GTF2E2: variants seen among roughly 807,000 people sequenced by gnomAD.
GTF2E2 encodes general transcription factor IIE subunit 2.
Under a neutral mutation model 40.5 loss-of-function variants are expected in GTF2E2, and 21 were observed. That is an observed-to-expected ratio of 0.52 (90% CI 0.37 to 0.75). The LOEUF (loss-of-function observed/expected upper bound fraction) is 0.75, where lower values mean the gene tolerates loss of function less well. Ranked by LOEUF, GTF2E2 falls within the 30% of genes least tolerant of loss-of-function variation. GTF2E2 has a pLI of 0.00. For missense variants in GTF2E2, 298 were observed against 338.4 expected (o/e 0.88, Z 0.94); for synonymous variants, 117 against 121.6 (o/e 0.96, Z 0.25).
intron 3 of GTF2E2, among the ~76,000 whole-genome samples, chr8:30,633,358 A>G (rs1305265539): frequency 6.6e-6 from 1 of 152,232 alleles, no homozygotes; most frequent in African/African-American, 2.4e-5. Context: ...TTGTTTTTAT[A>G]CTTTTAAATA....
At chr8:30,652,982 A>G (rs1409382699) in intron 2 of GTF2E2, among the ~76,000 whole-genome samples, 1 of 152,212 alleles carries the variant, frequency 6.6e-6, no homozygotes, top group Non-Finnish European at 1.5e-5. Context: ...GTACAATTTC[A>G]TTTATAGGAA....
At chr8:30,581,431 T>G (rs1163819080) in intron 6 of GTF2E2, among the ~76,000 whole-genome samples, 1 of 152,152 alleles carries the variant, frequency 6.6e-6, no homozygotes, top group Non-Finnish European at 1.5e-5. Flanking sequence ...TCCTTCCCCC[T>G]TTCTCTCTCA....
chr8:30,621,123 T>A (rs1030977919), intron 3 of GTF2E2, among the ~76,000 whole-genome samples: 2 of 152,050 alleles, frequency 1.3e-5, no homozygotes, highest in Admixed American at 1.3e-4. Context: ...TTTGATCTAT[T>A]TTCCTTTGTT....
chr8:30,585,772 TAAAAA>T (rs146018850), intron 6 of GTF2E2, among the ~76,000 whole-genome samples: 1,392 of 67,634 alleles, frequency 0.021, 39 homozygotes, highest in African/African-American at 0.07. Flanking sequence ...CTTTGCCCTT[TAAAAA>T]AAAAAAAAAA....
At chr8:30,637,102 G>C (rs1801628332) in intron 2 of GTF2E2, 4 of 408,080 alleles carry the variant, frequency 9.8e-6, no homozygotes, top group Non-Finnish European at 1.9e-5. Context: ...AAGCAGCAGA[G>C]TATAGATTCA....
rs56762565 is a variant in GTF2E2, at chr8:30,646,979, C to CAAAA, written c.166+6450_166+6453dup. On this transcript the variant is annotated intron_variant, in intron 2 of 7. Coordinates refer to ENST00000355904, the MANE Select transcript of GTF2E2 (RefSeq NM_002095.6). The stretch of plus-strand genomic sequence containing the variant: ...TGGGTGACAGAGCAAGACTCCGTCT[C>CAAAA]AAAAAAAAAAAAAAAAAAAAAAAAA... Among the ~76,000 whole-genome samples, 80 of 51,194 alleles carry CAAAA rather than the reference C, an allele frequency of 1.6e-3. 18 individuals carry two copies. Among genetic ancestry groups the CAAAA allele is most frequent in the Non-Finnish European group, 2.1e-3 (65 of 30,850 alleles). 33.6% of individuals were successfully genotyped at this position (51,194 alleles called of 152,430 possible). A position where few individuals can be genotyped will look rare whatever the true frequency, so the allele number is the denominator to read the frequency against.
intron 3 of GTF2E2, among the ~76,000 whole-genome samples, chr8:30,623,948 C>G (rs1215791421): frequency 6.6e-6 from 1 of 151,840 alleles, no homozygotes; most frequent in African/African-American, 2.4e-5. Flanking sequence ...AAATTTTCTC[C>G]CATTCTGTAG....
chr8:30,657,129 C>A (rs1435858363), intron 1 of GTF2E2: 2 of 152,262 alleles, frequency 1.3e-5, no homozygotes, highest in Non-Finnish European at 2.9e-5. Context: ...CAATGTCTGT[C>A]TTTCACCATC....
At chr8:30,596,976 A>G (rs1408258213) in intron 6 of GTF2E2, 1 of 152,408 alleles carries the variant, frequency 6.6e-6, no homozygotes, top group Non-Finnish European at 1.5e-5. Flanking sequence ...TCTTCCTTTT[A>G]CGCTGCATCT....
chr8:30,619,728 T>C (rs889008021), intron 3 of GTF2E2, among the ~76,000 whole-genome samples: 2 of 151,948 alleles, frequency 1.3e-5, no homozygotes, highest in Non-Finnish European at 2.9e-5. Flanking sequence ...CTAGCCAAAT[T>C]GTCGGGATTA....
intron 6 of GTF2E2, among the ~76,000 whole-genome samples, chr8:30,589,281 G>A (rs749307808): frequency 6.6e-6 from 1 of 152,150 alleles, no homozygotes; most frequent in Non-Finnish European, 1.5e-5. Context: ...TATTGGCATG[G>A]TGCAATGACT....
intron 4 of GTF2E2, among the ~76,000 whole-genome samples, 196 bp downstream of exon 4, chr8:30,614,412 T>C (rs1260078283): frequency 6.6e-6 from 1 of 152,116 alleles, no homozygotes; most frequent in Non-Finnish European, 1.5e-5. Context: ...AAACCCCGTC[T>C]CTACTAAAAA....
At chr8:30,631,710 A>T (rs1412347187) in intron 3 of GTF2E2, among the ~76,000 whole-genome samples, 1 of 152,228 alleles carries the variant, frequency 6.6e-6, no homozygotes, top group Non-Finnish European at 1.5e-5. Flanking sequence ...AATTACCCAA[A>T]TAAAAATGTA....
chr8:30,607,030 A>G, intron 6 of GTF2E2, 27 bp downstream of exon 6: 1 of 820,834 alleles, frequency 1.2e-6, no homozygotes, highest in Non-Finnish European at 2.0e-6. Flanking sequence ...ATACTTGCAA[A>G]CTAAAGTATA....
At chr8:30,609,913 TC>T (rs374466366) in intron 5 of GTF2E2, among the ~76,000 whole-genome samples, 1 of 152,190 alleles carries the variant, frequency 6.6e-6, no homozygotes, top group African/African-American at 2.4e-5. Context: ...CCCTTCACCT[TC>T]TGCCATGATT....
chr8:30,641,604 G>T (rs2978262), intron 2 of GTF2E2, among the ~76,000 whole-genome samples: 3 of 152,052 alleles, frequency 2.0e-5, no homozygotes, highest in African/African-American at 7.2e-5. Flanking sequence ...GGCCAGGCGC[G>T]GTGGCTCATG....
At chr8:30,607,219 T>A in intron 5 of GTF2E2, 69 bp from the exon 6 acceptor site, 1 of 616,636 alleles carries the variant, frequency 1.6e-6, no homozygotes, top group Non-Finnish European at 2.9e-6. Context: ...AAAAAAAATT[T>A]AAACAATAAA....
rs1801547402 is a variant in GTF2E2, at chr8:30,635,050, C to T, written c.240G>A (p.Lys80=). The T allele has an allele frequency of 1.3e-6, 2 of 1,597,502 alleles. No individual in the cohort carries two copies. The highest frequency in any genetic ancestry group is 1.3e-5 in the African/African-American group (1 of 74,518). The stretch of plus-strand genomic sequence containing the variant: ...TACTTACCTTCATGTAATTCACAAT[C>T]TTAGCAAGAACACCAAACTTATATC... ...SSGYKFGVLA[K]IVNYMKTRHQ... is the part of the protein sequence containing the mutation. The change falls in exon 3 of 8, where the codon AAG becomes AAA. Residue 80 remains lysine, a synonymous_variant. Transcript: ENST00000355904.
intron 6 of GTF2E2, among the ~76,000 whole-genome samples, chr8:30,604,991 A>G (rs1209569587): frequency 6.6e-6 from 1 of 152,252 alleles, no homozygotes; most frequent in East Asian, 1.9e-4. Flanking sequence ...CTTAGCGTGC[A>G]GATTACAAGA....
Sources: gnomAD v4.1 joint callset for allele counts (sites outside exome capture counted in the v4.1 genomes callset) on GRCh38, gnomAD v4.1.1 for gene constraint, MANE v1.5 for transcripts, NCBI Gene and HGNC (gene_info 2026-07-23, HGNC 2026-07-21) for gene names.